Variants in HIGD1C observed in about 807,000 individuals in gnomAD.
HIGD1C encodes HIG1 domain family member 1C.
HIGD1C carries 11 observed loss-of-function variants against 13.1 expected under a neutral mutation model. That is an observed-to-expected ratio of 0.84 (90% CI 0.53 to 1.39). HIGD1C has a LOEUF of 1.39. Ranked by LOEUF, HIGD1C falls within the 40% of genes most tolerant of loss-of-function variation. The probability of loss-of-function intolerance (pLI) is 0.00; values close to 1 mark genes in which losing one functional copy is unlikely to be tolerated. For synonymous variants in HIGD1C, 36 were observed against 37.7 expected, an observed-to-expected ratio of 0.95 and a Z score of 0.17; for missense variants, 110 against 112.0, an observed-to-expected ratio of 0.98 and a Z score of 0.08.
chr12:50,960,902 A>C, intron 1 of HIGD1C, 66 bp from the exon 4 acceptor site: 15 of 1,384,212 alleles, frequency 1.1e-5, no homozygotes, highest in Non-Finnish European at 1.4e-5. Context: ...CTGTTTTCAA[A>C]CTCCTGGTCT....
the HIGD1C span, among the ~76,000 whole-genome samples, chr12:50,940,870 A>C: frequency 1.3e-5 from 2 of 151,670 alleles, no homozygotes; most frequent in Non-Finnish European, 2.9e-5. Context: ...CTGGAGATGG[A>C]GTCTCACTCT....
intron 2 of HIGD1C, among the ~76,000 whole-genome samples, chr12:50,967,039 A>G (rs2139825013): frequency 6.6e-6 from 1 of 151,822 alleles, no homozygotes; most frequent in East Asian, 1.9e-4. Flanking sequence ...ACTTGAACCC[A>G]GGAGGCAGAG....
chr12:50,965,056 C>G (rs1939488742), intron 2 of HIGD1C, among the ~76,000 whole-genome samples: 1 of 152,106 alleles, frequency 6.6e-6, no homozygotes, highest in Non-Finnish European at 1.5e-5. Flanking sequence ...GATGATGGCA[C>G]TAATCTCTAC....
chr12:50,957,916 C>G (rs1939162406), intron 1 of HIGD1C, among the ~76,000 whole-genome samples: 1 of 144,280 alleles, frequency 6.9e-6, no homozygotes, highest in African/African-American at 2.6e-5. Context: ...AATGGAGAGA[C>G]TACTGTATTC....
downstream of HIGD1C, among the ~76,000 whole-genome samples, chr12:50,971,146 C>T (rs1327217626): frequency 6.6e-6 from 1 of 152,144 alleles, no homozygotes; most frequent in African/African-American, 2.4e-5. Context: ...TCCCAAAGTG[C>T]TGGGATTACA....
At chr12:50,936,075 C>T in the HIGD1C span, among the ~76,000 whole-genome samples, 1 of 150,966 alleles carries the variant, frequency 6.6e-6, no homozygotes, top group Non-Finnish European at 1.5e-5. Context: ...AGGAGAATTG[C>T]TTGAACCTGG....
the HIGD1C span, among the ~76,000 whole-genome samples, chr12:50,934,663 A>G: frequency 6.6e-6 from 1 of 152,246 alleles, no homozygotes; most frequent in Non-Finnish European, 1.5e-5. Flanking sequence ...TGAGGAAGTA[A>G]CATCTGAGCT....
At chr12:50,953,899 A>G (rs1447325497), upstream of HIGD1C, 2 of 674,570 alleles carry the variant, frequency 3.0e-6, no homozygotes, top group African/African-American at 3.6e-5. Context: ...AATGAAAACA[A>G]AAAAACACAT....
chr12:50,960,900 A>G, intron 1 of HIGD1C, 68 bp from the exon 4 acceptor site: 1 of 1,392,532 alleles, frequency 7.2e-7, no homozygotes. Context: ...GGCTGTTTTC[A>G]AACTCCTGGT....
the HIGD1C span, among the ~76,000 whole-genome samples, chr12:50,940,806 T>A: frequency 6.6e-6 from 1 of 151,946 alleles, no homozygotes; most frequent in African/African-American, 2.4e-5. Context: ...GTATACCAAG[T>A]TGCTTGCCAA....
At chr12:50,933,361 A>G in the HIGD1C span, among the ~76,000 whole-genome samples, 1 of 152,236 alleles carries the variant, frequency 6.6e-6, no homozygotes, top group Admixed American at 6.5e-5. Context: ...AACATGTCCA[A>G]TGTCTTTTAG....
upstream of HIGD1C, chr12:50,953,829 G>T: frequency 1.9e-6 from 1 of 527,218 alleles, no homozygotes. Context: ...AAAAAATTCG[G>T]TAGTGAAAAG....
intron 1 of HIGD1C, among the ~76,000 whole-genome samples, chr12:50,957,507 T>C (rs183197391): frequency 4.2e-4 from 64 of 151,672 alleles, no homozygotes; most frequent in Non-Finnish European, 8.2e-4. Flanking sequence ...CCAGCCTGCA[T>C]TTCTTCTTTT....
intron 2 of HIGD1C, among the ~76,000 whole-genome samples, chr12:50,967,227 T>C (rs1417743317): frequency 6.6e-6 from 1 of 152,096 alleles, no homozygotes; most frequent in Non-Finnish European, 1.5e-5. Context: ...GATATCCTCC[T>C]GCCTCTTCTG....
chr12:50,960,910 T>TA lies in HIGD1C; in HGVS notation c.95-58_95-57insA. 6.4e-6 allele frequency: 9 copies of TA among 1,409,234 alleles called. 1 individual carries two copies. The Middle Eastern group carries it at 5.4e-4, about 84-fold the overall frequency. The allele number at this position is 1,409,234 out of a possible 1,614,324, so 87.3% of individuals were successfully genotyped here. A position where few individuals can be genotyped will look rare whatever the true frequency, so the allele number is the denominator to read the frequency against. Reference sequence around the variant, plus strand: ...GCCCAGGCTGTTTTCAAACTCCTGGTCTCACACGATGCTCCTGCCTCAGCC... The same window carrying TA: ...GCCCAGGCTGTTTTCAAACTCCTGGTACTCACACGATGCTCCTGCCTCAGCC... On this transcript the variant is annotated intron_variant, in intron 1 of 2. Coordinates refer to ENST00000398455, the Ensembl canonical transcript of HIGD1C.
At chr12:50,935,480 T>A in the HIGD1C span, 1 of 152,114 alleles carries the variant, frequency 6.6e-6, no homozygotes, top group East Asian at 1.9e-4. Flanking sequence ...CATTCAGAAT[T>A]TACCGTTTTT....
intron 1 of HIGD1C, among the ~76,000 whole-genome samples, chr12:50,959,416 G>C (rs141776178): frequency 1.3e-5 from 2 of 152,040 alleles, no homozygotes; most frequent in African/African-American, 2.4e-5. Context: ...CACTGTGCCC[G>C]GCCCCATATC....
chr12:50,965,951 G>A (rs1299610014), intron 2 of HIGD1C, among the ~76,000 whole-genome samples: 1 of 152,148 alleles, frequency 6.6e-6, no homozygotes, highest in Admixed American at 6.5e-5. Flanking sequence ...CTTTATTGTG[G>A]TGATTCAAGT....
chr12:50,936,055 A>AGG, the HIGD1C span, among the ~76,000 whole-genome samples: 1 of 151,390 alleles, frequency 6.6e-6, no homozygotes, highest in African/African-American at 2.4e-5. Flanking sequence ...GCTACTTGGG[A>AGG]GGCTGAGGCA....
Sources: gnomAD v4.1 joint callset for allele counts (sites outside exome capture counted in the v4.1 genomes callset) on GRCh38, gnomAD v4.1.1 for gene constraint, MANE v1.5 for transcripts, NCBI Gene and HGNC (gene_info 2026-07-23, HGNC 2026-07-21) for gene names.